Variants in ETV7 observed in about 807,000 individuals in gnomAD.
ETV7 encodes transcription factor ETV7.
A neutral mutation model predicts 39.1 loss-of-function variants in ETV7; 43 were observed. That is an observed-to-expected ratio of 1.10 (90% CI 0.86 to 1.42). The LOEUF (loss-of-function observed/expected upper bound fraction) is 1.42, where lower values mean the gene tolerates loss of function less well. ETV7 is among the 40% of genes most tolerant of loss of function. ETV7 has a pLI of 0.00. For missense variants in ETV7, 432 were observed against 442.3 expected, an observed-to-expected ratio of 0.98 and a Z score of 0.21; for synonymous variants, 196 against 176.6, an observed-to-expected ratio of 1.11 and a Z score of -0.87.
chr6:36,354,401 T>A (rs867770894), exon 8 of ETV7: 19 of 351,044 alleles, frequency 5.4e-5, no homozygotes, highest in African/African-American at 2.7e-4. Context: ...TACGTTTATG[T>A]CTTTGACATA....
chr6:36,371,901 C>A (rs1238055814), intron 4 of ETV7, among the ~76,000 whole-genome samples: 2 of 152,224 alleles, frequency 1.3e-5, no homozygotes, highest in Non-Finnish European at 2.9e-5. Context: ...TTATTGAGAG[C>A]CTTCTATGAA....
At chr6:36,360,866 G>A (rs935343685) in intron 7 of ETV7, among the ~76,000 whole-genome samples, 4 of 152,198 alleles carry the variant, frequency 2.6e-5, no homozygotes, top group Non-Finnish European at 4.4e-5. Flanking sequence ...ATTCTCCGGA[G>A]GGAAACTCTC....
intron 4 of ETV7, 57 bp from the exon 5 acceptor site, chr6:36,371,617 C>A: frequency 7.1e-7 from 1 of 1,406,484 alleles, no homozygotes; most frequent in Non-Finnish European, 9.7e-7. Flanking sequence ...CTCCCCAACT[C>A]AATCCCTCAA....
downstream of ETV7, chr6:36,366,143 C>T (rs1439241411): frequency 2.1e-6 from 2 of 973,436 alleles, no homozygotes; most frequent in Admixed American, 5.8e-5. Flanking sequence ...CACTGCACTC[C>T]ACCCTGGGTG....
chr6:36,379,051 C>G (rs16888237), intron 2 of ETV7, among the ~76,000 whole-genome samples: 1 of 152,174 alleles, frequency 6.6e-6, no homozygotes, highest in African/African-American at 2.4e-5. Context: ...ATACATGAGA[C>G]GCCGAAAGCT....
chr6:36,378,123 A>C (rs1421509998), intron 2 of ETV7, among the ~76,000 whole-genome samples: 1 of 152,176 alleles, frequency 6.6e-6, no homozygotes, highest in East Asian at 1.9e-4. Context: ...CCCAGGAGCA[A>C]GTAAGTGTTC....
At chr6:36,364,510 G>A (rs972256950), downstream of ETV7, among the ~76,000 whole-genome samples, 10 of 152,228 alleles carry the variant, frequency 6.6e-5, no homozygotes, top group South Asian at 6.2e-4. Flanking sequence ...TGGCAGGGCC[G>A]GCCGGCTGCT....
chr6:36,380,263 T>C (rs1773587048), intron 2 of ETV7, among the ~76,000 whole-genome samples: 1 of 151,932 alleles, frequency 6.6e-6, no homozygotes, highest in Non-Finnish European at 1.5e-5. Flanking sequence ...CAATGTAAGG[T>C]GAATGTGGGA....
chr6:36,375,945 T>A lies in ETV7; in HGVS notation c.233A>T (p.His78Leu), dbSNP rs772566025. Residue 78 changes from histidine to leucine, a missense_variant, in exon 3 of 8, where the codon CAC becomes CTC. By Grantham distance (99) the His-to-Leu change is moderately conservative. Transcript: ENST00000340181. Reference sequence around the variant, plus strand: ...GGCGCGTCCGTTCATCTCGAACCCGTGCTCCGCGGTGCATGGCAGAGAGTA... The same window carrying A: ...GGCGCGTCCGTTCATCTCGAACCCGAGCTCCGCGGTGCATGGCAGAGAGTA... Reference protein sequence around the residue: ...QEYSLPCTAEHGFEMNGRALC... With the variant: ...QEYSLPCTAELGFEMNGRALC... 1 of 1,613,774 alleles carries A rather than the reference T, an allele frequency of 6.2e-7. No homozygotes were observed. The highest frequency in any genetic ancestry group is 1.1e-5 in the South Asian group (1 of 91,086).
chr6:36,366,420 C>T lies in ETV7; in HGVS notation c.*225G>A. ...GGGTGCAGTAGGGGAGAGTCCATTC[C>T]CCTGTACCTCATTTAGCCCCAGGAT... On this transcript the variant is annotated 3_prime_UTR_variant, in exon 8 of 8. Transcript: ENST00000340181. 2 of 1,405,730 alleles carry T rather than the reference C, an allele frequency of 1.4e-6. No homozygotes were observed. The highest frequency in any genetic ancestry group is 9.2e-7 in the Non-Finnish European group (1 of 1,081,430). The allele number at this position is 1,405,730 out of a possible 1,614,324, so 87.1% of individuals were successfully genotyped here.
At chr6:36,373,922 C>CCTCA (rs759670968) in intron 3 of ETV7, among the ~76,000 whole-genome samples, 1 of 152,182 alleles carries the variant, frequency 6.6e-6, no homozygotes, top group Non-Finnish European at 1.5e-5. Flanking sequence ...TGCAACTGTA[C>CCTCA]CTCACGTTCC....
chr6:36,373,805 T>C (rs534475628), intron 3 of ETV7, among the ~76,000 whole-genome samples: 1 of 152,362 alleles, frequency 6.6e-6, no homozygotes, highest in South Asian at 2.1e-4. Flanking sequence ...CATCCTTTCC[T>C]GCCGGTACAC....
rs1772734138 is a variant in ETV7, at chr6:36,366,655, A to C, written c.1016T>G (p.Ile339Ser). 3 of 1,613,788 alleles carry C rather than the reference A, an allele frequency of 1.9e-6. No homozygotes were observed. The highest frequency in any genetic ancestry group is 8.5e-7 in the Non-Finnish European group (1 of 1,179,982). Reference protein sequence around the residue: ...RIEFKDKRPEISP With the variant: ...RIEFKDKRPESSP The stretch of plus-strand genomic sequence containing the variant: ...GAGTCCACCTGCCCCTCACGGAGAG[A>C]TTTCTGGCCTCTTGTCCTTGAACTC... The change falls in exon 8 of 8, where the codon ATC (isoleucine) becomes AGC (serine). Residue 339 changes from isoleucine (I) to serine (S), a missense_variant. Coordinates refer to ENST00000340181, the MANE Select transcript of ETV7 (RefSeq NM_016135.4).
chr6:36,367,320 G>A (rs1037450515), intron 6 of ETV7, among the ~76,000 whole-genome samples: 18 of 152,126 alleles, frequency 1.2e-4, no homozygotes, highest in African/African-American at 4.3e-4. Context: ...GTGCGTGCCT[G>A]TAGTCCCAAC....
chr6:36,375,243 C>T (rs1383215844), intron 3 of ETV7, among the ~76,000 whole-genome samples: 1 of 151,876 alleles, frequency 6.6e-6, no homozygotes, highest in Non-Finnish European at 1.5e-5. Flanking sequence ...AAAAAGACAC[C>T]AAATCAGCAC....
intron 4 of ETV7, 116 bp from the exon 5 acceptor site, chr6:36,371,676 C>A: frequency 2.2e-6 from 2 of 923,768 alleles, no homozygotes; most frequent in Non-Finnish European, 3.3e-6. Context: ...GCTCTTTCTC[C>A]AACCAGCCCC....
chr6:36,363,274 C>T (rs1267277421), downstream of ETV7, among the ~76,000 whole-genome samples: 1 of 152,196 alleles, frequency 6.6e-6, no homozygotes, highest in Non-Finnish European at 1.5e-5. Context: ...AGAGTTTCTT[C>T]CTTCTGGTGG....
downstream of ETV7, among the ~76,000 whole-genome samples, chr6:36,363,022 A>C (rs542701073): frequency 1.3e-5 from 2 of 152,328 alleles, no homozygotes; most frequent in East Asian, 1.9e-4. Flanking sequence ...ATCTTGCGCA[A>C]GTCACTTCGC....
chr6:36,369,919 A>AAC (rs949486423), intron 5 of ETV7, among the ~76,000 whole-genome samples: 2 of 150,620 alleles, frequency 1.3e-5, no homozygotes, highest in Admixed American at 1.3e-4. Context: ...AAAAAAAAAA[A>AAC]CCCAGTAATT....
Sources: allele counts gnomAD v4.1 joint callset (sites outside exome capture counted in the v4.1 genomes callset), GRCh38; gene constraint gnomAD v4.1.1; transcripts MANE v1.5; gene names NCBI Gene and HGNC (gene_info 2026-07-23, HGNC 2026-07-21).